GALNTL6: variants seen among roughly 807,000 people sequenced by gnomAD.
The protein encoded by GALNTL6 is polypeptide N-acetylgalactosaminyltransferase-like 6.
Under a neutral mutation model 73.7 loss-of-function variants are expected in GALNTL6, and 46 were observed. That is an observed-to-expected ratio of 0.62 (90% CI 0.49 to 0.80). GALNTL6 has a LOEUF of 0.80. Among genes scored for constraint, GALNTL6 ranks in the 30% least tolerant of loss-of-function variants. The pLI is 0.00. For synonymous variants in GALNTL6, 259 were observed against 263.7 expected (o/e 0.98, Z 0.17); for missense variants, 604 against 755.0 (o/e 0.80, Z 2.34).
intron 5 of GALNTL6, among the ~76,000 whole-genome samples, chr4:172,800,983 C>T (rs543569566): frequency 5.3e-5 from 8 of 152,062 alleles, no homozygotes; most frequent in African/African-American, 1.7e-4. Context: ...CATTTAATCT[C>T]GGAAGATCTT....
chr4:171,843,388 G>A (rs1735291130), intron 2 of GALNTL6, among the ~76,000 whole-genome samples: 1 of 151,928 alleles, frequency 6.6e-6, no homozygotes, highest in South Asian at 2.1e-4. Context: ...TTGATATGGT[G>A]ACAATGCCAA....
In GALNTL6 at chr4:172,069,499, T is replaced by G. The variant is rs1294002854; in HGVS notation, c.139-160157T>G. 5.4e-5 allele frequency among the ~76,000 whole-genome samples: 3 copies of G among 55,436 alleles called. 1 individual carries two copies. The highest frequency in any genetic ancestry group is 1.1e-4 in the Non-Finnish European group (3 of 26,510). The allele number at this position is 55,436 out of a possible 152,430, so 36.4% of individuals were successfully genotyped here. A position where few individuals can be genotyped will look rare whatever the true frequency, so the allele number is the denominator to read the frequency against. On this transcript the variant is annotated intron_variant, in intron 2 of 12. Transcript: ENST00000506823. ...TGTTATATATAACACATATGTTATATGTATAACACATATATGTTATATGTA... is the reference window on the plus strand; with the variant it reads ...TGTTATATATAACACATATGTTATAGGTATAACACATATATGTTATATGTA...
chr4:171,865,566 A>C (rs1471463280), intron 2 of GALNTL6, among the ~76,000 whole-genome samples: 1 of 152,250 alleles, frequency 6.6e-6, no homozygotes, highest in East Asian at 1.9e-4. Context: ...TCTTACATCC[A>C]GATAGTTTAG....
At chr4:172,174,315 A>G (rs142351131) in intron 2 of GALNTL6, among the ~76,000 whole-genome samples, 4 of 152,192 alleles carry the variant, frequency 2.6e-5, no homozygotes, top group South Asian at 2.1e-4. Context: ...TGAACGGTCT[A>G]TGTATAGCGG....
chr4:172,506,840 CTACTCATGAG>C lies in GALNTL6; in HGVS notation c.553+158155_553+158164del, dbSNP rs1371773715. On this transcript the variant is annotated intron_variant, in intron 5 of 12. Coordinates refer to ENST00000506823, the MANE Select transcript of GALNTL6 (RefSeq NM_001034845.3). The stretch of plus-strand genomic sequence containing the variant: ...ATCCTGGCCTCTGAGCCACTCACCA[CTACTCATGAG>C]TACACAGGCCAAGGCCCTTGGCTTC... 3.6e-5 allele frequency among the ~76,000 whole-genome samples: 2 copies of C among 55,656 alleles called. 1 individual carries two copies. The highest frequency in any genetic ancestry group is 5.1e-4 in the Admixed American group (2 of 3,906). 36.5% of individuals were successfully genotyped at this position (55,656 alleles called of 152,430 possible).
intron 5 of GALNTL6, among the ~76,000 whole-genome samples, chr4:172,731,105 G>A (rs1736123154): frequency 1.3e-5 from 2 of 151,360 alleles, no homozygotes; most frequent in Admixed American, 1.3e-4. Context: ...AAGAGTTTGA[G>A]AGTTTGAGTA....
chr4:172,096,245 C>T (rs541581740), intron 2 of GALNTL6, among the ~76,000 whole-genome samples: 23 of 152,084 alleles, frequency 1.5e-4, no homozygotes, highest in African/African-American at 2.2e-4. Context: ...CTAGGACTAC[C>T]GGTGCATGCC....
At chr4:171,817,294 G>C (rs1033550795) in intron 2 of GALNTL6, among the ~76,000 whole-genome samples, 1 of 151,970 alleles carries the variant, frequency 6.6e-6, no homozygotes, top group Non-Finnish European at 1.5e-5. Context: ...CATAAGAGCT[G>C]AAAAACTTGC....
At chr4:172,540,276 A>G (rs1218866204) in intron 5 of GALNTL6, among the ~76,000 whole-genome samples, 1 of 151,632 alleles carries the variant, frequency 6.6e-6, no homozygotes, top group Admixed American at 6.6e-5. Context: ...TCCTGACCTC[A>G]TTATCCGCCC....
intron 5 of GALNTL6, among the ~76,000 whole-genome samples, chr4:172,606,185 AG>A (rs965764158): frequency 2.6e-5 from 4 of 152,190 alleles, no homozygotes; most frequent in Admixed American, 6.5e-5. Flanking sequence ...AGCACTATAA[AG>A]GATGAGAAAT....
At chr4:173,024,093 CA>C (rs1753129118) in intron 12 of GALNTL6, among the ~76,000 whole-genome samples, 1 of 152,130 alleles carries the variant, frequency 6.6e-6, no homozygotes, top group African/African-American at 2.4e-5. Flanking sequence ...AGGGAGCTTA[CA>C]AAAGTTTACA....
chr4:171,988,149 A>AG (rs1740170584), intron 2 of GALNTL6, among the ~76,000 whole-genome samples: 1 of 151,814 alleles, frequency 6.6e-6, no homozygotes, highest in African/African-American at 2.4e-5. Context: ...CTAAAACAGT[A>AG]GGTCAAGTTG....
intron 2 of GALNTL6, among the ~76,000 whole-genome samples, chr4:172,018,944 T>C (rs1741304514): frequency 6.6e-6 from 1 of 152,080 alleles, no homozygotes; most frequent in South Asian, 2.1e-4. Flanking sequence ...ACATTTATGT[T>C]TTGTGTGACT....
intron 2 of GALNTL6, among the ~76,000 whole-genome samples, chr4:171,849,193 G>C (rs756463009): frequency 6.6e-6 from 1 of 152,066 alleles, no homozygotes; most frequent in Admixed American, 6.6e-5. Flanking sequence ...TCTTCCTTTC[G>C]CTTCAACACT....
intron 5 of GALNTL6, among the ~76,000 whole-genome samples, chr4:172,431,075 A>G (rs1731432061): frequency 6.6e-6 from 1 of 152,138 alleles, no homozygotes; most frequent in Non-Finnish European, 1.5e-5. Flanking sequence ...TTTGTTTATG[A>G]TGTGATATAT....
chr4:172,245,745 G>A (rs185024587), intron 3 of GALNTL6, among the ~76,000 whole-genome samples: 55 of 152,202 alleles, frequency 3.6e-4, no homozygotes, highest in Admixed American at 3.3e-3. Flanking sequence ...GGCCTTCTTG[G>A]CTCCATTACC....
chr4:172,372,996 G>A (rs889541697), intron 5 of GALNTL6, among the ~76,000 whole-genome samples: 1 of 152,200 alleles, frequency 6.6e-6, no homozygotes, highest in African/African-American at 2.4e-5. Context: ...TACACACCTT[G>A]TACCCTTGAT....
At chr4:172,560,203 C>A (rs1269609387) in intron 5 of GALNTL6, among the ~76,000 whole-genome samples, 1 of 152,036 alleles carries the variant, frequency 6.6e-6, no homozygotes, top group South Asian at 2.1e-4. Flanking sequence ...GGTGGCCAAG[C>A]GTGATGGTTC....
At chr4:171,908,524 G>T (rs1381369962) in intron 2 of GALNTL6, among the ~76,000 whole-genome samples, 1 of 152,030 alleles carries the variant, frequency 6.6e-6, no homozygotes, top group Non-Finnish European at 1.5e-5. Context: ...GGAGAAATAG[G>T]AACACTTTTA....
Sources: gnomAD v4.1 joint callset for allele counts (sites outside exome capture counted in the v4.1 genomes callset) on GRCh38, gnomAD v4.1.1 for gene constraint, MANE v1.5 for transcripts, NCBI Gene and HGNC (gene_info 2026-07-23, HGNC 2026-07-21) for gene names.